Variants in INTS7 observed in about 807,000 individuals in gnomAD.
INTS7 encodes chromosome 1 open reading frame 73.
In INTS7, 46 loss-of-function variants were observed where a neutral mutation model predicts 109.2. The ratio of observed to expected loss-of-function variants is 0.42; its 90% CI spans 0.33 to 0.54. The LOEUF is 0.54. INTS7 is among the 20% of genes least tolerant of loss of function. The pLI is 0.07. For missense variants in INTS7, 929 were observed against 1,132.4 expected, an observed-to-expected ratio of 0.82 and a Z score of 2.58; for synonymous variants, 412 against 402.9, an observed-to-expected ratio of 1.02 and a Z score of -0.27.
chr1:211,960,004 G>A (rs921854889), intron 16 of INTS7, among the ~76,000 whole-genome samples: 1 of 152,226 alleles, frequency 6.6e-6, no homozygotes. Flanking sequence ...GTGCAACTGA[G>A]GATGGATCCT....
intron 1 of INTS7, among the ~76,000 whole-genome samples, chr1:212,024,281 G>A (rs1666828348): frequency 6.6e-6 from 1 of 151,988 alleles, no homozygotes; most frequent in African/African-American, 2.4e-5. Flanking sequence ...ATAGCACTCT[G>A]TAGATTGCTT....
intron 16 of INTS7, among the ~76,000 whole-genome samples, chr1:211,960,986 G>T (rs1455741639): frequency 6.6e-6 from 1 of 151,702 alleles, no homozygotes; most frequent in Non-Finnish European, 1.5e-5. Flanking sequence ...CTGCACTCCA[G>T]CCTAGGCAAC....
intron 16 of INTS7, among the ~76,000 whole-genome samples, chr1:211,962,502 T>TA (rs1663681376): frequency 6.6e-6 from 1 of 152,148 alleles, no homozygotes; most frequent in East Asian, 1.9e-4. Flanking sequence ...ATTCAGGACT[T>TA]AATCTCAGCA....
intron 12 of INTS7, 92 bp downstream of exon 12, chr1:211,976,490 T>C: frequency 8.6e-7 from 1 of 1,169,582 alleles, no homozygotes; most frequent in South Asian, 1.8e-5. Context: ...CATCTTTATT[T>C]TTAGTTTTGA....
intron 8 of INTS7, 39 bp downstream of exon 8, chr1:211,987,847 A>T (rs758610349): frequency 3.5e-6 from 4 of 1,144,260 alleles, no homozygotes; most frequent in Non-Finnish European, 5.2e-6. Flanking sequence ...TAAAGGAGTT[A>T]GCACATTATT....
chr1:211,941,987 G>T lies in INTS7; in HGVS notation c.2726C>A (p.Ser909Tyr). Residue 909 changes from serine (S) to tyrosine (Y), a missense_variant, in exon 20 of 20, where the codon TCT becomes TAT. Ser to Tyr is a moderately radical substitution (Grantham distance 144, BLOSUM62 -2). Coordinates refer to ENST00000366994, the MANE Select transcript of INTS7 (RefSeq NM_015434.4). ...LGTHNITVES[S>Y]VKDANGIVWK... The stretch of plus-strand genomic sequence containing the variant: ...TACTATACCATTGGCATCTTTCACA[G>T]AAGATTCCACTGTAATGTTGTGTGT... The T allele has an allele frequency of 6.2e-7, 1 of 1,614,138 alleles. No individual in the cohort carries two copies. The highest frequency in any genetic ancestry group is 1.1e-5 in the South Asian group (1 of 91,090).
chr1:211,991,464 C>T (rs1345133358), intron 7 of INTS7, among the ~76,000 whole-genome samples: 1 of 152,146 alleles, frequency 6.6e-6, no homozygotes, highest in Admixed American at 6.5e-5. Context: ...TATTGGTTGC[C>T]ACTGGGCAAA....
At chr1:212,028,181 T>C (rs901024777) in intron 1 of INTS7, among the ~76,000 whole-genome samples, 6 of 152,212 alleles carry the variant, frequency 3.9e-5, no homozygotes, top group Non-Finnish European at 7.3e-5. Flanking sequence ...TTAACTAGCC[T>C]GCCCACACTG....
chr1:211,986,515 A>C (rs1664900950), intron 8 of INTS7, among the ~76,000 whole-genome samples: 2 of 152,362 alleles, frequency 1.3e-5, no homozygotes, highest in Admixed American at 1.3e-4. Flanking sequence ...CCAGGGAGCA[A>C]CCAAGACCAC....
chr1:211,969,551 C>CTTTTTTTTTTTT (rs36104773), intron 13 of INTS7, among the ~76,000 whole-genome samples: 39 of 85,002 alleles, frequency 4.6e-4, no homozygotes, highest in African/African-American at 6.2e-4. Context: ...TTTTTCTTTT[C>CTTTTTTTTTTTT]TTTTTTTTTT....
chr1:212,027,574 A>T (rs2102501233), intron 1 of INTS7, among the ~76,000 whole-genome samples: 1 of 152,382 alleles, frequency 6.6e-6, no homozygotes, highest in South Asian at 2.1e-4. Context: ...GGGAAACTAA[A>T]ATAGGCTGTA....
chr1:211,986,485 GAAAAT>G (rs1283514892), intron 8 of INTS7, among the ~76,000 whole-genome samples: 2 of 151,942 alleles, frequency 1.3e-5, no homozygotes, highest in Non-Finnish European at 2.9e-5. Flanking sequence ...AACAAGGTCA[GAAAAT>G]AAATAAGAAA....
At chr1:212,003,305 CAAAA>C (rs35903155) in intron 7 of INTS7, among the ~76,000 whole-genome samples, 36 of 61,900 alleles carry the variant, frequency 5.8e-4, no homozygotes, top group African/African-American at 1.4e-3. Flanking sequence ...AATTTTAAAG[CAAAA>C]AAAAAAAAAA....
Position 211,982,773 on chromosome 1 carries a change from G to A in INTS7, c.1035C>T (p.Val345=), listed in dbSNP as rs908844418. ...VSSSPRSSDL[V]KLAQECCYHN... The stretch of plus-strand genomic sequence containing the variant: ...GGTAACAGCACTCTTGGGCTAATTT[G>A]ACTAAATCAGAAGATCTGGGAGAAG... Residue 345 remains valine (V), a synonymous_variant, in exon 9 of 20, where the codon GTC becomes GTT. Transcript: ENST00000366994. The A allele has an allele frequency of 8.7e-6, 14 of 1,610,026 alleles. No individual in the cohort carries two copies. Among genetic ancestry groups the A allele is most frequent in the Non-Finnish European group, 1.2e-5 (14 of 1,177,580 alleles).
intron 8 of INTS7, 31 bp downstream of exon 8, chr1:211,987,854 TA>T (rs765767523): frequency 5.7e-6 from 7 of 1,220,076 alleles, no homozygotes; most frequent in Non-Finnish European, 8.3e-6. Context: ...GTTAGCACAT[TA>T]TTTATATGGT....
chr1:212,018,805 C>T (rs1223123647), intron 3 of INTS7, among the ~76,000 whole-genome samples: 4 of 152,176 alleles, frequency 2.6e-5, no homozygotes, highest in Non-Finnish European at 4.4e-5. Flanking sequence ...TCACCAATAG[C>T]TATTCCCATG....
chr1:211,955,303 T>TG (rs1434729117), intron 16 of INTS7, among the ~76,000 whole-genome samples: 3 of 152,326 alleles, frequency 2.0e-5, no homozygotes, highest in African/African-American at 7.2e-5. Flanking sequence ...GCTGAGACAA[T>TG]GGGGTTTTCT....
Position 212,000,501 on chromosome 1 carries a change from C to A in INTS7, c.879+6138G>T, listed in dbSNP as rs528149706. On this transcript the variant is annotated intron_variant, in intron 7 of 19. Coordinates refer to ENST00000366994, the MANE Select transcript of INTS7 (RefSeq NM_015434.4). Reference sequence around the variant, plus strand: ...GACAGCACAACCCCAACCCTACAATCTGTCAAAGTATTCAAAAAGGAAAAA... The same window carrying A: ...GACAGCACAACCCCAACCCTACAATATGTCAAAGTATTCAAAAAGGAAAAA... 1.4e-4 allele frequency among the ~76,000 whole-genome samples: 21 copies of A among 152,304 alleles called. No homozygotes were observed. The East Asian group carries it at 3.9e-3, about 28-fold the overall frequency.
intron 16 of INTS7, among the ~76,000 whole-genome samples, chr1:211,957,540 C>T (rs1331994642): frequency 1.3e-5 from 2 of 151,892 alleles, no homozygotes; most frequent in Admixed American, 6.6e-5. Context: ...AGAGAGGATC[C>T]GTCTCAAAAA....
Sources: gnomAD v4.1 joint callset for allele counts (sites outside exome capture counted in the v4.1 genomes callset) on GRCh38, gnomAD v4.1.1 for gene constraint, MANE v1.5 for transcripts, NCBI Gene and HGNC (gene_info 2026-07-23, HGNC 2026-07-21) for gene names.